Variants in ELAVL4 observed in about 807,000 individuals in gnomAD.
The protein encoded by ELAVL4 is ELAV-like protein 4.
In ELAVL4, 1 loss-of-function variant was observed where a neutral mutation model predicts 35.6. That is an observed-to-expected ratio of 0.03 (90% CI 0.01 to 0.13). The LOEUF (loss-of-function observed/expected upper bound fraction) is 0.13, where lower values mean the gene tolerates loss of function less well. Among genes scored for constraint, ELAVL4 ranks in the 10% least tolerant of loss-of-function variants. The pLI is 1.00. For missense variants in ELAVL4, 267 were observed against 464.9 expected (o/e 0.57, Z 3.91); for synonymous variants, 156 against 171.0 (o/e 0.91, Z 0.69).
Position 50,149,057 on chromosome 1 carries a change from T to C in ELAVL4, c.250+3860T>C, listed in dbSNP as rs547961788. Among the ~76,000 whole-genome samples the C allele has an allele frequency of 2.0e-5, 3 of 152,126 alleles. No individual in the cohort carries two copies. The South Asian group carries it at 6.2e-4, about 32-fold the overall frequency. On this transcript the variant is annotated intron_variant, in intron 2 of 6. Transcript: ENST00000371824. ...TGCATTTTTATAAGTGTTTATCTTGTTACCGCCCCAAAACAAATAAGGAAA... is the reference window on the plus strand; with the variant it reads ...TGCATTTTTATAAGTGTTTATCTTGCTACCGCCCCAAAACAAATAAGGAAA...
chr1:50,185,042 C>T (rs1349084021), intron 3 of ELAVL4, among the ~76,000 whole-genome samples: 1 of 152,176 alleles, frequency 6.6e-6, no homozygotes, highest in African/African-American at 2.4e-5. Context: ...TAGCTAATGG[C>T]TACCTATATT....
At chr1:50,187,100 C>T (rs1255892735) in intron 3 of ELAVL4, among the ~76,000 whole-genome samples, 3 of 152,186 alleles carry the variant, frequency 2.0e-5, no homozygotes, top group African/African-American at 4.8e-5. Context: ...ATTCCATTCT[C>T]CTCATCTCCC....
intron 1 of ELAVL4, among the ~76,000 whole-genome samples, chr1:50,123,723 T>A (rs1179419858): frequency 1.3e-5 from 2 of 152,088 alleles, no homozygotes; most frequent in Non-Finnish European, 2.9e-5. Context: ...CATGCTCCAC[T>A]GTAGAACTGC....
At chr1:50,124,599 T>A (rs566434770) in intron 1 of ELAVL4, among the ~76,000 whole-genome samples, 6 of 152,232 alleles carry the variant, frequency 3.9e-5, no homozygotes, top group Non-Finnish European at 7.4e-5. Context: ...TAGGAATTAA[T>A]GAGAAACATT....
chr1:50,186,446 G>T (rs530852354), intron 3 of ELAVL4, among the ~76,000 whole-genome samples: 1 of 152,272 alleles, frequency 6.6e-6, no homozygotes, highest in South Asian at 2.1e-4. Flanking sequence ...GCCTGTAGTG[G>T]GAGGTAGGGT....
chr1:50,120,954 A>C (rs1377818447), intron 1 of ELAVL4, among the ~76,000 whole-genome samples: 1 of 152,062 alleles, frequency 6.6e-6, no homozygotes, highest in Non-Finnish European at 1.5e-5. Context: ...TCAAACTTGC[A>C]AGTACACGTA....
At position 50,202,582 on chromosome 1, in the gene ELAVL4, T is replaced by A. The variant is rs1644431864; in HGVS notation, c.*1404T>A. ...TGGCCGAGATCAAATATAGCTAGAT[T>A]GGCTAGACTACTTATTTGTTTACTT... On this transcript the variant is annotated 3_prime_UTR_variant, in exon 7 of 7. Transcript: ENST00000371824. The A allele has an allele frequency of 6.6e-6, 1 of 152,160 alleles. No individual in the cohort carries two copies. The highest frequency in any genetic ancestry group is 6.5e-5 in the Admixed American group (1 of 15,284). The allele number at this position is 152,160 out of a possible 1,614,324, so 9.4% of individuals were successfully genotyped here. A position where few individuals can be genotyped will look rare whatever the true frequency, so the allele number is the denominator to read the frequency against.
intron 1 of ELAVL4, among the ~76,000 whole-genome samples, chr1:50,048,606 A>G (rs1663192913): frequency 6.6e-6 from 1 of 152,076 alleles, no homozygotes; most frequent in Non-Finnish European, 1.5e-5. Context: ...CAAAAAGTCC[A>G]GGCAGCTTCG....
At chr1:50,064,747 T>C (rs1323309262) in intron 1 of ELAVL4, among the ~76,000 whole-genome samples, 1 of 152,222 alleles carries the variant, frequency 6.6e-6, no homozygotes, top group African/African-American at 2.4e-5. Context: ...AGATCTAACA[T>C]ACTTTTCTCT....
At chr1:50,133,142 T>C (rs1016524995) in intron 1 of ELAVL4, among the ~76,000 whole-genome samples, 17 of 152,182 alleles carry the variant, frequency 1.1e-4, no homozygotes, top group African/African-American at 4.1e-4. Context: ...CTCCTCTTAA[T>C]ATAACTCATT....
upstream of ELAVL4, among the ~76,000 whole-genome samples, chr1:50,100,941 T>G (rs557540285): frequency 7.6e-4 from 115 of 151,486 alleles, 1 homozygote; most frequent in South Asian, 0.024. Flanking sequence ...CTCCCCATTC[T>G]ACATATTAGT....
At chr1:50,055,951 G>C (rs563278916) in intron 1 of ELAVL4, among the ~76,000 whole-genome samples, 1 of 152,290 alleles carries the variant, frequency 6.6e-6, no homozygotes, top group African/African-American at 2.4e-5. Flanking sequence ...TCATGTTTTT[G>C]CTGCTGGAGG....
chr1:50,109,346 T>A (rs540444162), intron 1 of ELAVL4, 148 bp downstream of exon 1: 1 of 774,746 alleles, frequency 1.3e-6, no homozygotes, highest in Non-Finnish European at 2.0e-6. Flanking sequence ...GTGTAGAGAG[T>A]GCGGGTAGGT....
At chr1:50,104,071 A>G (rs549186509), upstream of ELAVL4, 1 of 1,576,708 alleles carries the variant, frequency 6.3e-7, no homozygotes, top group Admixed American at 1.7e-5. Flanking sequence ...GATTGGCTGG[A>G]TTTGCCTTAG....
intron 1 of ELAVL4, among the ~76,000 whole-genome samples, chr1:50,081,434 T>C (rs1348298151): frequency 6.6e-6 from 1 of 152,226 alleles, no homozygotes; most frequent in African/African-American, 2.4e-5. Flanking sequence ...TTAAGTTCCA[T>C]TTCCCCTAGG....
rs186588536 is a variant in ELAVL4, at chr1:50,112,102, G to A, written c.9+2904G>A. Among the ~76,000 whole-genome samples, 129 of 151,888 alleles carry A rather than the reference G, an allele frequency of 8.5e-4. 1 individual carries two copies. The highest frequency in any genetic ancestry group is 2.9e-3 in the African/African-American group (122 of 41,440). ...CCAATTCTTTTTTCCTTGCAGATGC[G>A]TCTTTTTGTTTTCTCTTCTTATTAG... is the stretch of plus-strand genomic sequence containing the variant. On this transcript the variant is annotated intron_variant, in intron 1 of 6. Transcript: ENST00000371824.
In ELAVL4 at chr1:50,203,450, A is replaced by T. The variant is rs1250122535; in HGVS notation, c.*2272A>T. On this transcript the variant is annotated 3_prime_UTR_variant, in exon 7 of 7. Coordinates refer to ENST00000371824, the MANE Select transcript of ELAVL4 (RefSeq NM_001144774.3). Reference sequence around the variant, plus strand: ...TTCAGAGAACACTCGTTCAACATTCAGGGAAAGCTTTTTACGTCACCTGCT... The same window carrying T: ...TTCAGAGAACACTCGTTCAACATTCTGGGAAAGCTTTTTACGTCACCTGCT... 1 of 152,032 alleles carries T rather than the reference A, an allele frequency of 6.6e-6. No individual in the cohort carries two copies. The highest frequency in any genetic ancestry group is 1.9e-4 in the East Asian group (1 of 5,184). The allele number at this position is 152,032 out of a possible 1,614,324, so 9.4% of individuals were successfully genotyped here. A position where few individuals can be genotyped will look rare whatever the true frequency, so the allele number is the denominator to read the frequency against.
chr1:50,130,453 G>C (rs1245373584), intron 1 of ELAVL4, among the ~76,000 whole-genome samples: 1 of 152,134 alleles, frequency 6.6e-6, no homozygotes, highest in African/African-American at 2.4e-5. Flanking sequence ...TGAGAATTAA[G>C]TGAAGTGATG....
chr1:50,153,527 T>A (rs1280407541), intron 2 of ELAVL4, among the ~76,000 whole-genome samples: 1 of 152,176 alleles, frequency 6.6e-6, no homozygotes, highest in Non-Finnish European at 1.5e-5. Flanking sequence ...CAACATCAGT[T>A]ATGGGTGTTC....
Sources: allele counts gnomAD v4.1 joint callset (sites outside exome capture counted in the v4.1 genomes callset), GRCh38; gene constraint gnomAD v4.1.1; transcripts MANE v1.5; gene names NCBI Gene and HGNC (gene_info 2026-07-23, HGNC 2026-07-21).